The following AKAP6 variants were observed in gnomAD, a reference collection of about 807,000 sequenced individuals.
The protein encoded by AKAP6 is A-kinase anchor protein 6.
AKAP6 carries 58 observed loss-of-function variants against 188.5 expected under a neutral mutation model. The observed-to-expected ratio is 0.31, with a 90% CI of 0.25 to 0.38. The LOEUF (loss-of-function observed/expected upper bound fraction) is 0.38, where lower values mean the gene tolerates loss of function less well. AKAP6 is among the 10% of genes least tolerant of loss of function. AKAP6 has a pLI of 1.00. For synonymous variants in AKAP6, 989 were observed against 998.6 expected, an observed-to-expected ratio of 0.99 and a Z score of 0.18; for missense variants, 2,710 against 2,740.0, an observed-to-expected ratio of 0.99 and a Z score of 0.24.
chr14:32,587,303 A>G (rs984511983), intron 5 of AKAP6, among the ~76,000 whole-genome samples: 4 of 152,134 alleles, frequency 2.6e-5, no homozygotes, highest in African/African-American at 9.7e-5. Context: ...GGAAATTTTT[A>G]AAAAGTATTC....
At chr14:32,437,667 G>A (rs970458543) in intron 2 of AKAP6, among the ~76,000 whole-genome samples, 9 of 151,918 alleles carry the variant, frequency 5.9e-5, no homozygotes, top group African/African-American at 2.2e-4. Flanking sequence ...CGCAATCTGG[G>A]CTCACTGCAA....
intron 1 of AKAP6, among the ~76,000 whole-genome samples, chr14:32,377,105 G>A (rs1888181277): frequency 6.6e-6 from 1 of 152,218 alleles, no homozygotes; most frequent in Admixed American, 6.5e-5. Flanking sequence ...GAATATACCA[G>A]TAGGTCCTGG....
intron 7 of AKAP6, among the ~76,000 whole-genome samples, chr14:32,663,303 C>T (rs1222400807): frequency 2.0e-5 from 3 of 152,092 alleles, no homozygotes; most frequent in Admixed American, 2.0e-4. Context: ...GTATCTTCAG[C>T]TCTTCCTAGA....
chr14:32,598,170 C>T (rs1036628288), intron 5 of AKAP6, among the ~76,000 whole-genome samples: 2 of 152,090 alleles, frequency 1.3e-5, no homozygotes, highest in African/African-American at 2.4e-5. Flanking sequence ...TATATTTTAC[C>T]TGGAACTGTA....
intron 1 of AKAP6, among the ~76,000 whole-genome samples, chr14:32,356,583 T>A (rs1309131934): frequency 1.3e-5 from 2 of 152,160 alleles, no homozygotes; most frequent in South Asian, 4.1e-4. Context: ...TTTCCTTACA[T>A]GGGAATCTTC....
At chr14:32,470,626 G>A (rs570278013) in intron 2 of AKAP6, among the ~76,000 whole-genome samples, 65 of 152,216 alleles carry the variant, frequency 4.3e-4, no homozygotes, top group African/African-American at 1.5e-3. Context: ...AAATTTTAGG[G>A]CATGCAAATG....
intron 3 of AKAP6, among the ~76,000 whole-genome samples, chr14:32,540,023 C>G (rs2139130704): frequency 6.7e-6 from 1 of 149,402 alleles, no homozygotes; most frequent in East Asian, 2.0e-4. Flanking sequence ...AAAGAAAGAT[C>G]TAAGAAGGCA....
intron 5 of AKAP6, among the ~76,000 whole-genome samples, chr14:32,589,728 CT>C (rs1403953290): frequency 3.3e-5 from 5 of 152,230 alleles, no homozygotes; most frequent in African/African-American, 1.2e-4. Context: ...CTTTATTTTT[CT>C]CTTTAGGAAA....
chr14:32,446,256 T>G (rs1355336203), intron 2 of AKAP6, among the ~76,000 whole-genome samples: 1 of 152,224 alleles, frequency 6.6e-6, no homozygotes, highest in Admixed American at 6.5e-5. Flanking sequence ...CCATATGGAC[T>G]TGATGTGCTC....
At chr14:32,811,198 C>T (rs1291788315) in intron 12 of AKAP6, among the ~76,000 whole-genome samples, 2 of 135,038 alleles carry the variant, frequency 1.5e-5, no homozygotes, top group Non-Finnish European at 3.1e-5. Context: ...GAGATTGCGC[C>T]ACTGCACTCC....
At chr14:32,809,791 C>G (rs1399691090) in intron 12 of AKAP6, among the ~76,000 whole-genome samples, 1 of 152,104 alleles carries the variant, frequency 6.6e-6, no homozygotes, top group Non-Finnish European at 1.5e-5. Context: ...AAGGGATCTC[C>G]GTTTATCCAA....
rs370995523 is a variant in AKAP6, at chr14:32,474,665, G to C, written c.324+40848G>C. The stretch of plus-strand genomic sequence containing the variant: ...AGGGATTGAATCTTGCAGGAAACTA[G>C]CACTTTTCCCCAAGGGGGATGAGGA... On this transcript the variant is annotated intron_variant, in intron 2 of 13. Transcript: ENST00000280979. 15 of 152,348 alleles carry C rather than the reference G, an allele frequency of 9.8e-5. 1 individual carries two copies. In the South Asian group the frequency reaches 3.1e-3, roughly 32 times the overall value. 9.4% of individuals were successfully genotyped at this position (152,348 alleles called of 1,614,324 possible).
chr14:32,772,635 A>T (rs1453067246), intron 11 of AKAP6, among the ~76,000 whole-genome samples: 7 of 152,266 alleles, frequency 4.6e-5, no homozygotes, highest in African/African-American at 1.7e-4. Flanking sequence ...AGCGCACCAC[A>T]CTTAATCATT....
chr14:32,811,226 G>A (rs1448465489), intron 12 of AKAP6, among the ~76,000 whole-genome samples: 6 of 67,418 alleles, frequency 8.9e-5, no homozygotes, highest in Admixed American at 2.7e-4. Flanking sequence ...GTGACAGAGC[G>A]AGACTCCGTC....
At chr14:32,755,334 A>G (rs1158908765) in intron 11 of AKAP6, among the ~76,000 whole-genome samples, 2 of 151,242 alleles carry the variant, frequency 1.3e-5, no homozygotes, top group Non-Finnish European at 3.0e-5. Context: ...TTTAGCTCCA[A>G]AATTTCTCTT....
chr14:32,547,827 G>C (rs976460475), intron 4 of AKAP6, among the ~76,000 whole-genome samples: 5 of 143,136 alleles, frequency 3.5e-5, no homozygotes, highest in Admixed American at 1.4e-4. Context: ...CTGGGCAACA[G>C]AGTGAGACCC....
intron 11 of AKAP6, among the ~76,000 whole-genome samples, chr14:32,765,065 G>T (rs892430979): frequency 6.6e-6 from 1 of 151,438 alleles, no homozygotes; most frequent in Non-Finnish European, 1.5e-5. Flanking sequence ...CTCCTGAGTA[G>T]CTGGGATTAC....
intron 7 of AKAP6, among the ~76,000 whole-genome samples, chr14:32,671,308 A>G (rs1023181296): frequency 9.2e-5 from 14 of 152,188 alleles, no homozygotes; most frequent in Non-Finnish European, 1.9e-4. Flanking sequence ...AGGACTGACC[A>G]CTGCATGAGG....
chr14:32,391,048 C>T (rs377087957), intron 1 of AKAP6, among the ~76,000 whole-genome samples: 26 of 152,268 alleles, frequency 1.7e-4, no homozygotes, highest in Admixed American at 2.6e-4. Flanking sequence ...CTCTGTAATA[C>T]GGGTACAGGA....
Sources: gnomAD v4.1 joint callset for allele counts (sites outside exome capture counted in the v4.1 genomes callset) on GRCh38, gnomAD v4.1.1 for gene constraint, MANE v1.5 for transcripts, NCBI Gene and HGNC (gene_info 2026-07-23, HGNC 2026-07-21) for gene names.